Variants in MBTPS1 observed in about 807,000 individuals in gnomAD.
MBTPS1 encodes membrane-bound transcription factor site-1 protease.
MBTPS1 carries 94 observed loss-of-function variants against 127.8 expected under a neutral mutation model. The observed-to-expected ratio is 0.74, with a 90% CI of 0.62 to 0.87. MBTPS1 has a LOEUF of 0.87. MBTPS1 is among the 40% of genes least tolerant of loss of function. MBTPS1 has a pLI of 0.00. For missense variants in MBTPS1, 1,636 were observed against 1,353.2 expected (o/e 1.21, Z -3.28); for synonymous variants, 632 against 509.4 (o/e 1.24, Z -3.24).
chr16:84,094,954 G>T (rs1478934770), intron 4 of MBTPS1, among the ~76,000 whole-genome samples: 2 of 152,184 alleles, frequency 1.3e-5, no homozygotes, highest in Admixed American at 1.3e-4. Flanking sequence ...GGTGAAACTG[G>T]CTTACATTTA....
chr16:84,062,753 A>G (rs114385235), intron 19 of MBTPS1, among the ~76,000 whole-genome samples: 2,235 of 152,314 alleles, frequency 0.015, 61 homozygotes, highest in African/African-American at 0.051. Flanking sequence ...CGAGAGACTG[A>G]CATAAAGACG....
At chr16:84,074,410 T>C (rs1461529733) in intron 12 of MBTPS1, among the ~76,000 whole-genome samples, 187 bp downstream of exon 12, 17 of 152,142 alleles carry the variant, frequency 1.1e-4, no homozygotes, top group Admixed American at 8.5e-4. Flanking sequence ...AATTTCTTTA[T>C]TATTTGTAGA....
At chr16:84,105,935 G>C (rs1597352599) in intron 1 of MBTPS1, among the ~76,000 whole-genome samples, 1 of 152,288 alleles carries the variant, frequency 6.6e-6, no homozygotes, top group East Asian at 1.9e-4. Context: ...AGTGCAGGGA[G>C]ACAGACCGTA....
rs756180195 is a variant in MBTPS1 at position 84,093,226 on chromosome 16, C to T, written c.808G>A (p.Ala270Thr). The T allele has an allele frequency of 1.9e-5, 30 of 1,613,934 alleles. No homozygotes were observed. The highest frequency in any genetic ancestry group is 2.5e-5 in the Non-Finnish European group (29 of 1,179,900). ...AAGACCCTGAAAATGTGAAGTTCTG[C>T]ATCTGGAGCAAATCCTTGGCACTCC... is the stretch of plus-strand genomic sequence containing the variant. ...MRECQGFAPD[A>T]ELHIFRVFTN... The change falls in exon 6 of 23, where the codon GCA becomes ACA. Residue 270 changes from alanine (A) to threonine (T), a missense_variant. Transcript: ENST00000343411.
intron 9 of MBTPS1, among the ~76,000 whole-genome samples, chr16:84,087,025 C>G (rs1047517963): frequency 2.6e-5 from 4 of 152,158 alleles, no homozygotes; most frequent in African/African-American, 9.7e-5. Flanking sequence ...CTGCTTACCA[C>G]TACTAGATAG....
intron 10 of MBTPS1, among the ~76,000 whole-genome samples, chr16:84,084,778 T>C (rs921085052): frequency 6.6e-6 from 1 of 152,258 alleles, no homozygotes; most frequent in Non-Finnish European, 1.5e-5. Flanking sequence ...TTATAAAGTG[T>C]GTTCACATTC....
chr16:84,105,962 C>G (rs1041308684), intron 1 of MBTPS1, among the ~76,000 whole-genome samples: 17 of 152,154 alleles, frequency 1.1e-4, no homozygotes, highest in African/African-American at 4.1e-4. Flanking sequence ...ACAAGTAAAA[C>G]ATACAGTATT....
chr16:84,109,844 C>CTAAT (rs1356255856), intron 1 of MBTPS1, among the ~76,000 whole-genome samples: 1 of 152,150 alleles, frequency 6.6e-6, no homozygotes, highest in Non-Finnish European at 1.5e-5. Context: ...TGTATCAAGA[C>CTAAT]TAATTTCCTG....
At chr16:84,092,321 T>C (rs1237577161) in intron 6 of MBTPS1, among the ~76,000 whole-genome samples, 1 of 152,256 alleles carries the variant, frequency 6.6e-6, no homozygotes, top group Non-Finnish European at 1.5e-5. Context: ...GATGTTCAAG[T>C]GCTCCTATGT....
At position 84,067,551 on chromosome 16, in the gene MBTPS1, T is replaced by C. The variant is rs183562398; in HGVS notation, c.2228+116A>G. On this transcript the variant is annotated intron_variant, in intron 16 of 22. Transcript: ENST00000343411. ...TTTTTTTCTAATCAAGCTCTCTGAATGTGTCTGTGCCAACTGGAAAGACCA... is the reference window on the plus strand; with the variant it reads ...TTTTTTTCTAATCAAGCTCTCTGAACGTGTCTGTGCCAACTGGAAAGACCA... 1.7e-4 allele frequency: 138 copies of C among 818,404 alleles called. 1 individual carries two copies. Among genetic ancestry groups the C allele is most frequent in the Non-Finnish European group, 2.5e-4 (128 of 507,270 alleles). The allele number at this position is 818,404 out of a possible 1,614,324, so 50.7% of individuals were successfully genotyped here.
intron 10 of MBTPS1, among the ~76,000 whole-genome samples, chr16:84,084,607 T>C (rs539031074): frequency 6.6e-6 from 1 of 152,346 alleles, no homozygotes; most frequent in African/African-American, 2.4e-5. Flanking sequence ...AAATGGAGGA[T>C]ATATGGCAGG....
intron 1 of MBTPS1, among the ~76,000 whole-genome samples, chr16:84,104,394 G>C (rs1424725052): frequency 6.6e-6 from 1 of 152,090 alleles, no homozygotes; most frequent in Non-Finnish European, 1.5e-5. Context: ...GCTTTAGCCT[G>C]GAGGGTTGCA....
At chr16:84,113,123 G>A (rs920794258) in intron 1 of MBTPS1, among the ~76,000 whole-genome samples, 1 of 151,978 alleles carries the variant, frequency 6.6e-6, no homozygotes, top group African/African-American at 2.4e-5. Context: ...TCAAAGATCT[G>A]TCTACAGCTA....
chr16:84,105,098 G>GT (rs1337030873), intron 1 of MBTPS1, among the ~76,000 whole-genome samples: 2 of 149,780 alleles, frequency 1.3e-5, no homozygotes, highest in East Asian at 3.9e-4. Context: ...GCGAGACTCT[G>GT]TCTCAAAAAA....
At chr16:84,105,140 G>C (rs2086306198) in intron 1 of MBTPS1, among the ~76,000 whole-genome samples, 2 of 151,786 alleles carry the variant, frequency 1.3e-5, no homozygotes, top group African/African-American at 2.4e-5. Context: ...AACTCTCTAA[G>C]GTAATCAGTT....
chr16:84,069,617 G>A (rs989226191), intron 14 of MBTPS1, among the ~76,000 whole-genome samples: 9 of 152,224 alleles, frequency 5.9e-5, no homozygotes, highest in African/African-American at 1.7e-4. Context: ...CAGCTTTGCT[G>A]ACTGGCGCAA....
At chr16:84,058,219 G>A (rs979272368) in intron 21 of MBTPS1, among the ~76,000 whole-genome samples, 1 of 152,242 alleles carries the variant, frequency 6.6e-6, no homozygotes, top group Admixed American at 6.5e-5. Flanking sequence ...AAGACATACG[G>A]TCAGTGCGTG....
At chr16:84,100,288 T>C (rs1051344697) in intron 2 of MBTPS1, among the ~76,000 whole-genome samples, 3 of 152,112 alleles carry the variant, frequency 2.0e-5, no homozygotes, top group African/African-American at 4.8e-5. Flanking sequence ...CTCATGCCTG[T>C]AATCCCAACA....
intron 12 of MBTPS1, 51 bp from the exon 13 acceptor site, chr16:84,070,827 A>G (rs1288985146): frequency 4.2e-6 from 6 of 1,416,156 alleles, no homozygotes; most frequent in Middle Eastern, 1.9e-4. Flanking sequence ...CTCCAGGAGA[A>G]AACACGTGGA....
Sources: gnomAD v4.1 joint callset for allele counts (sites outside exome capture counted in the v4.1 genomes callset) on GRCh38, gnomAD v4.1.1 for gene constraint, MANE v1.5 for transcripts, NCBI Gene and HGNC (gene_info 2026-07-23, HGNC 2026-07-21) for gene names.